The following ZNF423 variants were observed in gnomAD, a reference collection of about 807,000 sequenced individuals.
The protein encoded by ZNF423 is Ebf-associated zinc finger protein.
In ZNF423, 12 loss-of-function variants were observed where a neutral mutation model predicts 95.8. The observed-to-expected ratio is 0.13, with a 90% CI of 0.08 to 0.20. ZNF423 has a LOEUF of 0.20. Among genes scored for constraint, ZNF423 ranks in the 10% least tolerant of loss-of-function variants. The probability of loss-of-function intolerance (pLI) is 1.00; values close to 1 mark genes in which losing one functional copy is unlikely to be tolerated. For missense variants in ZNF423, 1,316 were observed against 1,737.1 expected (o/e 0.76, Z 4.31); for synonymous variants, 749 against 711.9 (o/e 1.05, Z -0.83).
intron 5 of ZNF423, among the ~76,000 whole-genome samples, chr16:49,536,448 TTGG>T (rs1969058270): frequency 6.6e-6 from 1 of 151,190 alleles, no homozygotes; most frequent in Non-Finnish European, 1.5e-5. Context: ...TTTTTTTTTT[TTGG>T]TTTTTTTTCT....
chr16:49,671,459 A>G (rs2030804875), intron 3 of ZNF423, among the ~76,000 whole-genome samples: 1 of 152,194 alleles, frequency 6.6e-6, no homozygotes. Context: ...CCTCCAGCCA[A>G]GAGGAATAGC....
intron 2 of ZNF423, among the ~76,000 whole-genome samples, chr16:49,748,286 C>T (rs1254388305): frequency 1.3e-5 from 2 of 152,204 alleles, no homozygotes; most frequent in East Asian, 3.9e-4. Context: ...GGACAAGCCC[C>T]ATTGCTGGAC....
At chr16:49,629,794 A>C (rs1314716347) in intron 4 of ZNF423, among the ~76,000 whole-genome samples, 1 of 152,240 alleles carries the variant, frequency 6.6e-6, no homozygotes, top group Non-Finnish European at 1.5e-5. Context: ...CTATTCAGGC[A>C]GAGGTGACAA....
At chr16:49,549,862 T>C (rs1969574434) in intron 5 of ZNF423, among the ~76,000 whole-genome samples, 1 of 152,076 alleles carries the variant, frequency 6.6e-6, no homozygotes, top group African/African-American at 2.4e-5. Flanking sequence ...TTTTCAAATA[T>C]GTTTTGTTTT....
At chr16:49,654,350 T>G (rs1339437227) in intron 3 of ZNF423, among the ~76,000 whole-genome samples, 1 of 152,016 alleles carries the variant, frequency 6.6e-6, no homozygotes, top group Admixed American at 6.5e-5. Context: ...TGGCTAAGAG[T>G]AGGTCCTCAT....
Position 49,794,048 on chromosome 16 carries a change from G to T in ZNF423, c.41-4502C>A, listed in dbSNP as rs1861344. 2.7e-5 allele frequency among the ~76,000 whole-genome samples: 4 copies of T among 149,826 alleles called. No individual in the cohort carries two copies. In the East Asian group the frequency reaches 6.0e-4, roughly 23 times the overall value. ...CTCTCTCTCTCTCTCTCTCTCTCTC[G>T]CTCTCTGAGATGGGGTCTTTCTCTG... is the stretch of plus-strand genomic sequence containing the variant. On this transcript the variant is annotated intron_variant, in intron 1 of 7. Transcript: ENST00000563137.
At chr16:49,516,047 A>C (rs1016666945) in intron 7 of ZNF423, among the ~76,000 whole-genome samples, 1 of 152,148 alleles carries the variant, frequency 6.6e-6, no homozygotes, top group African/African-American at 2.4e-5. Context: ...ACCACCCTCC[A>C]CGGCGCCCGG....
chr16:49,525,262 G>T, intron 6 of ZNF423, 101 bp downstream of exon 6: 2 of 1,533,074 alleles, frequency 1.3e-6, no homozygotes, highest in Non-Finnish European at 1.8e-6. Flanking sequence ...TAACAGGCCT[G>T]CCAAGGAAAG....
chr16:49,543,171 C>T (rs1028573568), intron 5 of ZNF423, among the ~76,000 whole-genome samples: 2 of 152,182 alleles, frequency 1.3e-5, no homozygotes, highest in East Asian at 1.9e-4. Flanking sequence ...AAATCACCCC[C>T]TCAGCTGATA....
At chr16:49,536,341 T>C (rs1388708489) in intron 5 of ZNF423, among the ~76,000 whole-genome samples, 1 of 151,222 alleles carries the variant, frequency 6.6e-6, no homozygotes, top group Non-Finnish European at 1.5e-5. Context: ...TAGAAAATAA[T>C]GACTGACTTC....
At chr16:49,806,489 T>C (rs1485463889) in intron 1 of ZNF423, among the ~76,000 whole-genome samples, 1 of 152,248 alleles carries the variant, frequency 6.6e-6, no homozygotes, top group East Asian at 1.9e-4. Context: ...TAATGTTTTT[T>C]TACAACCCCT....
chr16:49,774,512 C>T (rs1365164268), intron 2 of ZNF423, among the ~76,000 whole-genome samples: 1 of 152,178 alleles, frequency 6.6e-6, no homozygotes, highest in Non-Finnish European at 1.5e-5. Context: ...GGTGATCGTG[C>T]GTGCATGCAG....
chr16:49,828,016 C>A (rs2035024456), intron 1 of ZNF423, among the ~76,000 whole-genome samples: 1 of 152,192 alleles, frequency 6.6e-6, no homozygotes, highest in African/African-American at 2.4e-5. Context: ...CCTGGAAGTA[C>A]AAGTGCAAGC....
At chr16:49,700,841 G>A (rs1291396151) in intron 3 of ZNF423, among the ~76,000 whole-genome samples, 2 of 152,098 alleles carry the variant, frequency 1.3e-5, no homozygotes, top group African/African-American at 4.8e-5. Context: ...GGGGGAAAAT[G>A]TGAGTTCCTG....
chr16:49,598,955 G>A (rs1442255981), intron 5 of ZNF423, among the ~76,000 whole-genome samples: 1 of 152,190 alleles, frequency 6.6e-6, no homozygotes, highest in Non-Finnish European at 1.5e-5. Flanking sequence ...CCTGAAAGTG[G>A]GGTGACTATT....
At chr16:49,695,364 C>T (rs1202811694) in intron 3 of ZNF423, among the ~76,000 whole-genome samples, 27 of 152,236 alleles carry the variant, frequency 1.8e-4, no homozygotes. Context: ...ACAATCTCGG[C>T]TCACCGCAAC....
intron 3 of ZNF423, among the ~76,000 whole-genome samples, chr16:49,714,232 G>A (rs559665755): frequency 2.0e-5 from 3 of 152,282 alleles, no homozygotes; most frequent in South Asian, 2.1e-4. Flanking sequence ...ATGGTATGAC[G>A]GTATGACGAA....
intron 3 of ZNF423, among the ~76,000 whole-genome samples, chr16:49,662,603 T>G (rs1332638898): frequency 2.6e-5 from 4 of 152,160 alleles, no homozygotes; most frequent in African/African-American, 9.7e-5. Flanking sequence ...GAGAGGAGAC[T>G]AAATCTTCCT....
chr16:49,666,771 A>G (rs2030567062), intron 3 of ZNF423, among the ~76,000 whole-genome samples: 2 of 152,006 alleles, frequency 1.3e-5, no homozygotes, highest in Admixed American at 1.3e-4. Flanking sequence ...GGTAGTAAGG[A>G]CTCTTATTTC....
Sources: gnomAD v4.1 joint callset for allele counts (sites outside exome capture counted in the v4.1 genomes callset) on GRCh38, gnomAD v4.1.1 for gene constraint, MANE v1.5 for transcripts, NCBI Gene and HGNC (gene_info 2026-07-23, HGNC 2026-07-21) for gene names.